Variants in OCA2 observed in about 807,000 individuals in gnomAD.
OCA2 encodes OCA2 melanosomal transmembrane protein, also known as P protein.
OCA2 carries 77 observed loss-of-function variants against 100.2 expected under a neutral mutation model. The ratio of observed to expected loss-of-function variants is 0.77; its 90% confidence interval spans 0.64 to 0.93. OCA2 has a LOEUF of 0.93. OCA2 is among the 40% of genes least tolerant of loss of function. The pLI is 0.00. For missense variants in OCA2, 1,062 were observed against 1,089.1 expected, an observed-to-expected ratio of 0.98 and a Z score of 0.35; for synonymous variants, 432 against 439.2, an observed-to-expected ratio of 0.98 and a Z score of 0.21.
chr15:27,922,080 T>A (rs1332421432), intron 19 of OCA2, among the ~76,000 whole-genome samples: 1 of 152,226 alleles, frequency 6.6e-6, no homozygotes, highest in Non-Finnish European at 1.5e-5. Context: ...TAAGTTTACA[T>A]CGTCTGTTTA....
chr15:27,784,710 C>T (rs560558483), intron 23 of OCA2, among the ~76,000 whole-genome samples: 12 of 152,130 alleles, frequency 7.9e-5, no homozygotes, highest in African/African-American at 2.4e-4. Flanking sequence ...TGCCTTTGAC[C>T]GGCTCACTAT....
At chr15:27,855,079 T>C (rs2035902659) in intron 21 of OCA2, among the ~76,000 whole-genome samples, 1 of 152,238 alleles carries the variant, frequency 6.6e-6, no homozygotes, top group South Asian at 2.1e-4. Flanking sequence ...AAGTATGCTC[T>C]GACATTGTTT....
chr15:27,858,021 C>CA (rs200448681), intron 21 of OCA2, among the ~76,000 whole-genome samples: 225 of 138,896 alleles, frequency 1.6e-3, no homozygotes, highest in African/African-American at 3.5e-3. Flanking sequence ...CAACTAAATA[C>CA]AAAAAAAAAA....
At chr15:28,007,456 C>A (rs1398987465) in intron 9 of OCA2, among the ~76,000 whole-genome samples, 1 of 152,240 alleles carries the variant, frequency 6.6e-6, no homozygotes, top group Non-Finnish European at 1.5e-5. Context: ...ATGGGCCGGG[C>A]ATGGTGGCTC....
chr15:27,785,882 CAT>C (rs2032789701), intron 23 of OCA2, among the ~76,000 whole-genome samples: 1 of 152,158 alleles, frequency 6.6e-6, no homozygotes, highest in South Asian at 2.1e-4. Flanking sequence ...GTGGTATAAA[CAT>C]ACAATGGAAT....
chr15:27,752,847 C>T (rs2030119662), downstream of OCA2, among the ~76,000 whole-genome samples: 1 of 133,960 alleles, frequency 7.5e-6, no homozygotes, highest in Non-Finnish European at 1.6e-5. Flanking sequence ...TCTCACTGGC[C>T]CTAAAGGATT....
intron 23 of OCA2, among the ~76,000 whole-genome samples, chr15:27,780,669 T>C (rs2032493212): frequency 1.3e-5 from 2 of 152,222 alleles, no homozygotes; most frequent in Admixed American, 1.3e-4. Context: ...TGCACTGTGC[T>C]TCTCCAAGGG....
At chr15:28,063,710 T>A (rs140090996) in intron 2 of OCA2, among the ~76,000 whole-genome samples, 70 of 152,280 alleles carry the variant, frequency 4.6e-4, no homozygotes, top group Middle Eastern at 6.8e-3. Flanking sequence ...TCTCACCTGT[T>A]TGTTCTATTG....
intron 23 of OCA2, among the ~76,000 whole-genome samples, chr15:27,825,524 T>C (rs1341893662): frequency 1.3e-5 from 2 of 151,972 alleles, no homozygotes; most frequent in Admixed American, 6.5e-5. Flanking sequence ...CCTGGGCGCC[T>C]GGGCCAAGCT....
In OCA2 at chr15:28,024,893, C is replaced by T. The variant is rs768590379; in HGVS notation, c.525G>A (p.Val175=). The T allele has an allele frequency of 4.2e-5, 68 of 1,614,132 alleles. No homozygotes were observed. Among genetic ancestry groups the T allele is most frequent in the Non-Finnish European group, 5.7e-5 (67 of 1,180,050 alleles). ...RLRLSKLRRC[V]QWLKVMGLFA... is the part of the protein sequence containing the mutation. ...ACAGGCCCATGACTTTCAGCCACTG[C>T]ACACAGCGCCTGCAAGAGAAAAAGT... Residue 175 remains valine (V), a synonymous_variant, in exon 5 of 24, where the codon GTG becomes GTA. Transcript: ENST00000354638.
intron 18 of OCA2, among the ~76,000 whole-genome samples, chr15:27,948,281 C>T (rs761020978): frequency 2.0e-5 from 3 of 152,078 alleles, no homozygotes. Flanking sequence ...GGGAACGCAA[C>T]GGGGTTGGCC....
intron 9 of OCA2, among the ~76,000 whole-genome samples, chr15:28,014,019 G>A (rs946643348): frequency 6.6e-6 from 1 of 151,986 alleles, no homozygotes; most frequent in Admixed American, 6.5e-5. Flanking sequence ...GAACTTTCCT[G>A]GCCACTCCTC....
At chr15:27,796,272 A>G (rs2033327729) in intron 23 of OCA2, among the ~76,000 whole-genome samples, 2 of 152,290 alleles carry the variant, frequency 1.3e-5, no homozygotes, top group Admixed American at 1.3e-4. Flanking sequence ...GAGAAAGCAC[A>G]GTATGATGGG....
chr15:28,052,734 A>T (rs2141580971), intron 2 of OCA2, among the ~76,000 whole-genome samples: 1 of 152,380 alleles, frequency 6.6e-6, no homozygotes, highest in African/African-American at 2.4e-5. Flanking sequence ...TGCATTAAGC[A>T]AGCTCACAGG....
intron 2 of OCA2, among the ~76,000 whole-genome samples, chr15:28,076,619 G>A (rs1036453202): frequency 9.4e-4 from 142 of 151,540 alleles, no homozygotes; most frequent in African/African-American, 3.2e-3. Flanking sequence ...AGGCCGAGGC[G>A]GGTGGATCAT....
In OCA2 at chr15:28,098,225, A is replaced by G. The variant is rs184645577; in HGVS notation, c.-22+999T>C. Among the ~76,000 whole-genome samples the G allele has an allele frequency of 2.1e-3, 320 of 152,376 alleles. 6 individuals carry two copies. The South Asian group carries it at 0.03, about 14-fold the overall frequency. On this transcript the variant is annotated intron_variant, in intron 1 of 23. Transcript: ENST00000354638. The stretch of plus-strand genomic sequence containing the variant: ...TGTTGTAAACTAAATTTGCAGAACA[A>G]GCAGTTTTTGTGCAATTCTTTGCAG...
At chr15:27,862,935 T>C (rs1430487846) in intron 21 of OCA2, among the ~76,000 whole-genome samples, 1 of 152,222 alleles carries the variant, frequency 6.6e-6, no homozygotes, top group East Asian at 1.9e-4. Context: ...TTCATCTAAA[T>C]ATACATCTGA....
chr15:27,774,853 A>G (rs1037026272), intron 23 of OCA2, among the ~76,000 whole-genome samples: 14 of 152,260 alleles, frequency 9.2e-5, no homozygotes, highest in Admixed American at 3.3e-4. Context: ...GCCACGAGAG[A>G]GGCTCAGGAG....
intron 19 of OCA2, among the ~76,000 whole-genome samples, chr15:27,889,462 A>T (rs1437212178): frequency 6.6e-6 from 1 of 152,154 alleles, no homozygotes; most frequent in African/African-American, 2.4e-5. Flanking sequence ...CCACATGCCA[A>T]AAGGTATGTC....
Sources: allele counts gnomAD v4.1 joint callset (sites outside exome capture counted in the v4.1 genomes callset), GRCh38; gene constraint gnomAD v4.1.1; transcripts MANE v1.5; gene names NCBI Gene and HGNC (gene_info 2026-07-23, HGNC 2026-07-21).